The following PRR5 variants were observed in gnomAD, a reference collection of about 807,000 sequenced individuals.
PRR5 encodes the protein proline rich 5, also known as proline-rich protein 5.
PRR5 carries 25 observed loss-of-function variants against 30.6 expected under a neutral mutation model. The observed-to-expected ratio is 0.82, with a 90% CI of 0.60 to 1.14. PRR5 has a LOEUF of 1.14. PRR5 is among the 50% of genes most tolerant of loss of function. The pLI, the probability that PRR5 is intolerant of heterozygous loss-of-function variation, is 0.00. For synonymous variants in PRR5, 286 were observed against 247.1 expected (o/e 1.16, Z -1.48); for missense variants, 600 against 547.1 (o/e 1.10, Z -0.96).
At chr22:44,704,230 G>A (rs372059227) in intron 1 of PRR5, among the ~76,000 whole-genome samples, 5 of 152,328 alleles carry the variant, frequency 3.3e-5, no homozygotes, top group South Asian at 2.1e-4. Context: ...TGTAGGGATG[G>A]CATTTGGAGG....
chr22:44,690,630 C>T (rs532984145), intron 1 of PRR5, among the ~76,000 whole-genome samples: 7 of 152,244 alleles, frequency 4.6e-5, no homozygotes, highest in South Asian at 4.1e-4. Context: ...GGAATCAGCC[C>T]GAGGTCGACA....
At chr22:44,673,721 G>A (rs372640680), upstream of PRR5, among the ~76,000 whole-genome samples, 4 of 152,116 alleles carry the variant, frequency 2.6e-5, no homozygotes, top group East Asian at 7.7e-4. Context: ...ATGGTCCTTG[G>A]TAAATAGACC....
At chr22:44,730,838 C>T in intron 4 of PRR5, 2 of 450,654 alleles carry the variant, frequency 4.4e-6, no homozygotes, top group Non-Finnish European at 8.5e-6. Context: ...CTGTGGTGCA[C>T]CCTTTCCTCG....
intron 1 of PRR5, among the ~76,000 whole-genome samples, chr22:44,679,060 AG>A (rs1304919062): frequency 6.6e-6 from 1 of 152,134 alleles, no homozygotes; most frequent in African/African-American, 2.4e-5. Flanking sequence ...ACTGGCCTCC[AG>A]GTCTGAGCCT....
intron 4 of PRR5, chr22:44,730,197 C>T: frequency 1.0e-6 from 1 of 985,388 alleles, no homozygotes; most frequent in Non-Finnish European, 1.2e-6. Context: ...GAGAAAAAGG[C>T]AAAGGTCCCT....
chr22:44,722,962 T>G (rs1389326689), intron 2 of PRR5, among the ~76,000 whole-genome samples: 1 of 151,864 alleles, frequency 6.6e-6, no homozygotes, highest in Non-Finnish European at 1.5e-5. Context: ...AAAATGACAA[T>G]TGTTCCATAA....
chr22:44,709,506 C>T (rs1350182935), intron 1 of PRR5, among the ~76,000 whole-genome samples: 2 of 152,120 alleles, frequency 1.3e-5, no homozygotes, highest in African/African-American at 4.8e-5. Context: ...CCCGCCCGAG[C>T]CTCCAGAAGG....
At chr22:44,731,007 A>T in intron 4 of PRR5, 1 of 387,154 alleles carries the variant, frequency 2.6e-6, no homozygotes, top group Non-Finnish European at 5.4e-6. Context: ...AGCACACAGT[A>T]GGTGTTCTGT....
chr22:44,717,779 T>C (rs1392337640), intron 2 of PRR5, among the ~76,000 whole-genome samples: 2 of 151,118 alleles, frequency 1.3e-5, no homozygotes, highest in African/African-American at 4.9e-5. Context: ...TGCAATGGCG[T>C]GATCTCGGCT....
intron 1 of PRR5, among the ~76,000 whole-genome samples, chr22:44,706,845 GGA>G (rs745960384): frequency 0.23 from 34,834 of 152,014 alleles, 4,550 homozygotes; most frequent in East Asian, 0.47. Flanking sequence ...TGTTTGTAAG[GGA>G]GCTATGGATG....
chr22:44,673,331 A>G (rs970328271), upstream of PRR5, among the ~76,000 whole-genome samples: 20 of 152,322 alleles, frequency 1.3e-4, no homozygotes, highest in East Asian at 2.1e-3. Context: ...TGCCCTGCAT[A>G]GCTCCTGGGG....
chr22:44,694,624 A>G (rs1039450162), intron 1 of PRR5, among the ~76,000 whole-genome samples: 3 of 151,678 alleles, frequency 2.0e-5, no homozygotes, highest in Non-Finnish European at 4.4e-5. Context: ...CTCCTGCCTG[A>G]GTTTGAATCC....
At chr22:44,685,059 C>T (rs779096644) in intron 1 of PRR5, among the ~76,000 whole-genome samples, 86 of 152,210 alleles carry the variant, frequency 5.7e-4, no homozygotes, top group Admixed American at 1.2e-3. Context: ...TTCAGCCCTT[C>T]CACTCACTCA....
chr22:44,737,294 G>A lies in PRR5; in HGVS notation c.*47G>A, dbSNP rs372419317. 1.3e-3 allele frequency: 1,948 copies of A among 1,551,718 alleles called. 23 individuals carry two copies. The South Asian group carries it at 0.014, about 11-fold the overall frequency. ...TTTTTACTGACACGTCCCTGTGTGCGGGGGTGTCCATGTGGCGTGTGTGTG... is the reference window on the plus strand; with the variant it reads ...TTTTTACTGACACGTCCCTGTGTGCAGGGGTGTCCATGTGGCGTGTGTGTG... On this transcript the variant is annotated 3_prime_UTR_variant, in exon 8 of 8. Transcript: ENST00000336985.
chr22:44,712,634 A>G (rs1198511480), intron 1 of PRR5, among the ~76,000 whole-genome samples: 1 of 152,216 alleles, frequency 6.6e-6, no homozygotes, highest in African/African-American at 2.4e-5. Flanking sequence ...TGGCCAAGTC[A>G]CAGGGAAGGG....
chr22:44,722,988 C>CTT (rs3053189), intron 2 of PRR5, among the ~76,000 whole-genome samples: 10 of 142,616 alleles, frequency 7.0e-5, no homozygotes, highest in Admixed American at 3.5e-4. Context: ...AAAAACTTTT[C>CTT]TTTTTTTTTT....
intron 1 of PRR5, among the ~76,000 whole-genome samples, chr22:44,708,966 CAAAAAAAAAAAAA>C (rs60854330): frequency 2.8e-4 from 18 of 64,426 alleles, no homozygotes; most frequent in East Asian, 5.0e-4. Flanking sequence ...GACTCTGTCT[CAAAAAAAAAAAAA>C]AAAAAAAAAA....
intron 4 of PRR5, among the ~76,000 whole-genome samples, chr22:44,727,948 A>G (rs1486814310): frequency 6.6e-6 from 1 of 152,212 alleles, no homozygotes; most frequent in Non-Finnish European, 1.5e-5. Flanking sequence ...AGCTGTGAGC[A>G]TTTGGCACCT....
At chr22:44,721,766 A>G (rs1355365058) in intron 2 of PRR5, among the ~76,000 whole-genome samples, 3 of 152,108 alleles carry the variant, frequency 2.0e-5, no homozygotes, top group Admixed American at 6.5e-5. Context: ...CAGACAGGGG[A>G]GGGGTCTCGT....
Sources: allele counts gnomAD v4.1 joint callset (sites outside exome capture counted in the v4.1 genomes callset), GRCh38; gene constraint gnomAD v4.1.1; transcripts MANE v1.5; gene names NCBI Gene and HGNC (gene_info 2026-07-23, HGNC 2026-07-21).